The following XNDC1N variants were observed in gnomAD, a reference collection of about 807,000 sequenced individuals.
The protein encoded by XNDC1N is protein XNDC1N.
At chr11:71,924,715 G>GT in the XNDC1N span, among the ~76,000 whole-genome samples, 1 of 152,198 alleles carries the variant, frequency 6.6e-6, no homozygotes, top group East Asian at 1.9e-4. Context: ...GTTCACATGG[G>GT]TATTTGTACT....
the XNDC1N span, chr11:71,903,806 G>A: frequency 9.0e-4 from 316 of 349,222 alleles, no homozygotes; most frequent in Middle Eastern, 2.0e-3. Context: ...CCCTGCTGCC[G>A]TATTTGGTTT....
chr11:71,906,272 T>C, the XNDC1N span, among the ~76,000 whole-genome samples: 4 of 151,378 alleles, frequency 2.6e-5, no homozygotes, highest in East Asian at 2.0e-4. Context: ...ATTAGGAGTA[T>C]AGACCCCTGG....
chr11:71,897,432 G>C, the XNDC1N span, among the ~76,000 whole-genome samples: 1 of 152,188 alleles, frequency 6.6e-6, no homozygotes, highest in Non-Finnish European at 1.5e-5. Flanking sequence ...GCGAGTAGAC[G>C]TGTCCCTAAA....
chr11:71,869,785 G>A, the XNDC1N span, among the ~76,000 whole-genome samples: 1 of 152,158 alleles, frequency 6.6e-6, no homozygotes, highest in Non-Finnish European at 1.5e-5. Flanking sequence ...AGGAACTACT[G>A]CAGTCCCTTG....
At chr11:71,898,479 C>T in the XNDC1N span, among the ~76,000 whole-genome samples, 2 of 151,878 alleles carry the variant, frequency 1.3e-5, no homozygotes, top group East Asian at 1.9e-4. Flanking sequence ...TGATAGCGCA[C>T]GCCTGTAATC....
chr11:71,920,170 G>A, the XNDC1N span, among the ~76,000 whole-genome samples: 1 of 150,206 alleles, frequency 6.7e-6, no homozygotes, highest in Non-Finnish European at 1.5e-5. Context: ...GTGTTAGCCA[G>A]GATGGTCTGG....
At chr11:71,908,001 A>G in the XNDC1N span, among the ~76,000 whole-genome samples, 1 of 152,052 alleles carries the variant, frequency 6.6e-6, no homozygotes, top group East Asian at 1.9e-4. Flanking sequence ...ACCACTGGAG[A>G]TTTTATTCGG....
At chr11:71,901,921 T>A in the XNDC1N span, among the ~76,000 whole-genome samples, 39 of 152,078 alleles carry the variant, frequency 2.6e-4, 2 homozygotes, top group Admixed American at 2.5e-3. Flanking sequence ...CAGCTTCAAC[T>A]CCACACAATT....
At chr11:71,890,346 G>A in the XNDC1N span, among the ~76,000 whole-genome samples, 656 of 152,116 alleles carry the variant, frequency 4.3e-3, 3 homozygotes, top group African/African-American at 0.015. Context: ...GTCATCCTGC[G>A]CCTCCCTGGA....
the XNDC1N span, among the ~76,000 whole-genome samples, chr11:71,874,919 A>G: frequency 3.3e-5 from 5 of 151,836 alleles, no homozygotes; most frequent in Non-Finnish European, 5.9e-5. Context: ...GTATACTAAG[A>G]TTCTCCTTTC....
the XNDC1N span, among the ~76,000 whole-genome samples, chr11:71,906,169 A>C: frequency 6.6e-6 from 1 of 151,986 alleles, no homozygotes; most frequent in Non-Finnish European, 1.5e-5. Flanking sequence ...AGGAGTAAGA[A>C]TATTATCACA....
the XNDC1N span, chr11:71,903,715 C>A: frequency 2.5e-6 from 1 of 392,658 alleles, no homozygotes; most frequent in Non-Finnish European, 4.8e-6. Flanking sequence ...TTACAAATGA[C>A]CTGCTTCAAG....
the XNDC1N span, chr11:71,916,327 C>A: frequency 1.5e-6 from 1 of 682,986 alleles, no homozygotes; most frequent in South Asian, 1.6e-5. Flanking sequence ...AAGAAAAGGT[C>A]AATACTAAGG....
At chr11:71,897,124 G>A in the XNDC1N span, among the ~76,000 whole-genome samples, 2 of 152,070 alleles carry the variant, frequency 1.3e-5, no homozygotes, top group Non-Finnish European at 2.9e-5. Flanking sequence ...AGTATGACAC[G>A]CCTAAAAGAA....
the XNDC1N span, among the ~76,000 whole-genome samples, chr11:71,869,513 C>T: frequency 2.6e-5 from 4 of 152,168 alleles, no homozygotes; most frequent in Non-Finnish European, 5.9e-5. Context: ...AATAAACATA[C>T]GTCTGCATCA....
At chr11:71,887,332 T>G in the XNDC1N span, among the ~76,000 whole-genome samples, 252 of 152,364 alleles carry the variant, frequency 1.7e-3, 3 homozygotes, top group Non-Finnish European at 2.9e-3. Context: ...CATGCCTGAC[T>G]GTCCCTTGAC....
At chr11:71,908,829 G>A in the XNDC1N span, among the ~76,000 whole-genome samples, 4 of 152,144 alleles carry the variant, frequency 2.6e-5, no homozygotes, top group Non-Finnish European at 4.4e-5. Flanking sequence ...TGCACCAGCT[G>A]ATTATCAAAA....
At chr11:71,908,283 GAAT>G in the XNDC1N span, among the ~76,000 whole-genome samples, 9 of 151,592 alleles carry the variant, frequency 5.9e-5, no homozygotes, top group Non-Finnish European at 1.0e-4. Context: ...GTTTTCTAAT[GAAT>G]AAGATCAATA....
the XNDC1N span, among the ~76,000 whole-genome samples, chr11:71,921,135 G>A: frequency 2.6e-5 from 4 of 151,998 alleles, no homozygotes; most frequent in African/African-American, 9.7e-5. Flanking sequence ...GGGACTACAG[G>A]TGTGTGCCAC....
Sources: gnomAD v4.1 joint callset for allele counts (sites outside exome capture counted in the v4.1 genomes callset) on GRCh38, gnomAD v4.1.1 for gene constraint, MANE v1.5 for transcripts, NCBI Gene and HGNC (gene_info 2026-07-23, HGNC 2026-07-21) for gene names.